Variants in SPMIP8 observed in about 807,000 individuals in gnomAD.
The protein encoded by SPMIP8 is testicular tissue protein Li 196.
the SPMIP8 span, chr16:57,985,169 G>T: frequency 4.7e-6 from 7 of 1,477,306 alleles, no homozygotes; most frequent in Admixed American, 1.3e-4. Flanking sequence ...CCTGGGGGGG[G>T]GCGGATGAGC....
the SPMIP8 span, among the ~76,000 whole-genome samples, chr16:57,980,737 C>T: frequency 6.6e-6 from 1 of 152,162 alleles, no homozygotes; most frequent in Admixed American, 6.5e-5. Context: ...CTCCATCACC[C>T]AGGCTAGAGT....
At chr16:57,977,937 C>T in the SPMIP8 span, 2 of 1,614,062 alleles carry the variant, frequency 1.2e-6, no homozygotes, top group Admixed American at 1.7e-5. Flanking sequence ...GAAGCAGCAG[C>T]TCTACCACCC....
the SPMIP8 span, chr16:57,985,558 C>A: frequency 2.5e-6 from 4 of 1,585,742 alleles, no homozygotes; most frequent in Middle Eastern, 1.7e-4. Flanking sequence ...TAAGTGACGC[C>A]ACGCGCCCGG....
chr16:57,984,842 G>A, the SPMIP8 span: 3 of 1,563,670 alleles, frequency 1.9e-6, no homozygotes, highest in Admixed American at 1.9e-5. Flanking sequence ...GGAACTGCCG[G>A]GCAGGTGGGC....
the SPMIP8 span, among the ~76,000 whole-genome samples, chr16:57,976,892 G>C: frequency 2.0e-5 from 3 of 152,168 alleles, no homozygotes; most frequent in African/African-American, 4.8e-5. Flanking sequence ...TGACTGAAAG[G>C]CTCCTGGGAC....
At chr16:57,981,072 T>C in the SPMIP8 span, among the ~76,000 whole-genome samples, 1 of 152,198 alleles carries the variant, frequency 6.6e-6, no homozygotes, top group South Asian at 2.1e-4. Context: ...GGCATGGCCT[T>C]AGGTCCTGTT....
the SPMIP8 span, among the ~76,000 whole-genome samples, chr16:57,982,429 A>T: frequency 6.6e-6 from 1 of 152,152 alleles, no homozygotes; most frequent in South Asian, 2.1e-4. Flanking sequence ...AAAGTCTCTA[A>T]CAGTTGTGTT....
At chr16:57,987,318 G>T in the SPMIP8 span, 1 of 1,370,226 alleles carries the variant, frequency 7.3e-7, no homozygotes, top group Non-Finnish European at 9.5e-7. Context: ...TGTGTTTTCA[G>T]ATCCTAGAGG....
chr16:57,977,134 G>T, the SPMIP8 span, among the ~76,000 whole-genome samples: 5 of 152,168 alleles, frequency 3.3e-5, no homozygotes, highest in Non-Finnish European at 5.9e-5. Context: ...GACTCGCCAG[G>T]CAAGGTGGCT....
chr16:57,978,222 T>C, the SPMIP8 span, among the ~76,000 whole-genome samples: 1 of 152,156 alleles, frequency 6.6e-6, no homozygotes, highest in Non-Finnish European at 1.5e-5. Flanking sequence ...AAGGCCTACC[T>C]CAAAGTGTTG....
chr16:57,980,974 C>T, the SPMIP8 span, among the ~76,000 whole-genome samples: 1 of 152,154 alleles, frequency 6.6e-6, no homozygotes, highest in Non-Finnish European at 1.5e-5. Context: ...TTCAGCCTCC[C>T]GAAGTGTTGG....
chr16:57,980,847 A>T, the SPMIP8 span, among the ~76,000 whole-genome samples: 73 of 152,088 alleles, frequency 4.8e-4, no homozygotes, highest in African/African-American at 1.7e-3. Context: ...GGCACACACC[A>T]CTATGCCAGG....
chr16:57,981,976 A>G, the SPMIP8 span, among the ~76,000 whole-genome samples: 39 of 152,316 alleles, frequency 2.6e-4, no homozygotes, highest in African/African-American at 9.4e-4. Context: ...CAGTCAATAC[A>G]TTGCGGAGAC....
the SPMIP8 span, chr16:57,985,161 TG>T: frequency 0.84 from 1,206,920 of 1,435,388 alleles, 504,284 homozygotes; most frequent in African/African-American, 0.93. Flanking sequence ...GGGCTTGTCC[TG>T]GGGGGGGGCG....
the SPMIP8 span, chr16:57,987,379 C>T: frequency 6.3e-7 from 1 of 1,584,884 alleles, no homozygotes. Flanking sequence ...CCACCTCACC[C>T]CTACTTCTCT....
the SPMIP8 span, chr16:57,987,402 C>A: frequency 1.3e-6 from 2 of 1,597,964 alleles, no homozygotes; most frequent in Admixed American, 1.7e-5. Flanking sequence ...ACAGTCGTGT[C>A]AACTACCTGA....
the SPMIP8 span, chr16:57,984,804 A>G: frequency 1.2e-6 from 2 of 1,605,736 alleles, no homozygotes; most frequent in African/African-American, 2.7e-5. Context: ...TTGCCTGAGG[A>G]AGCGAGGTCA....
chr16:57,985,932 C>T, the SPMIP8 span: 1 of 1,612,710 alleles, frequency 6.2e-7, no homozygotes, highest in Non-Finnish European at 8.5e-7. Context: ...AGCTTCGGCT[C>T]CAGCTACAGG....
At chr16:57,984,720 G>A in the SPMIP8 span, 7 of 1,601,954 alleles carry the variant, frequency 4.4e-6, no homozygotes, top group East Asian at 2.2e-5. Flanking sequence ...CAACCGAGTG[G>A]ACTGGCCCTG....
Sources: gnomAD v4.1 joint callset for allele counts (sites outside exome capture counted in the v4.1 genomes callset) on GRCh38, gnomAD v4.1.1 for gene constraint, MANE v1.5 for transcripts, NCBI Gene and HGNC (gene_info 2026-07-23, HGNC 2026-07-21) for gene names.